Variants in INPP5F observed in about 807,000 individuals in gnomAD.
INPP5F encodes phosphatidylinositide 4-phosphatase SAC2.
INPP5F carries 97 observed loss-of-function variants against 137.2 expected under a neutral mutation model. The ratio of observed to expected loss-of-function variants is 0.71; its 90% CI spans 0.60 to 0.84. INPP5F has a LOEUF of 0.84. INPP5F is among the 40% of genes least tolerant of loss of function. INPP5F has a pLI of 0.00. For synonymous variants in INPP5F, 504 were observed against 476.9 expected (o/e 1.06, Z -0.74); for missense variants, 1,271 against 1,371.9 (o/e 0.93, Z 1.16).
intron 1 of INPP5F, 113 bp from the exon 2 acceptor site, chr10:119,750,963 A>G: frequency 1.4e-6 from 1 of 716,270 alleles, no homozygotes; most frequent in Middle Eastern, 3.7e-4. Flanking sequence ...CCATTTGGAT[A>G]TTCATACTGC....
chr10:119,729,127 G>GT (rs1053214557), intron 1 of INPP5F, among the ~76,000 whole-genome samples: 17 of 150,386 alleles, frequency 1.1e-4, no homozygotes, highest in Admixed American at 4.0e-4. Flanking sequence ...TTTTAGGCCT[G>GT]TTTTTTTGGG....
intron 2 of INPP5F, among the ~76,000 whole-genome samples, chr10:119,755,811 C>T (rs1265538): frequency 0.98 from 148,746 of 152,310 alleles, 72,701 homozygotes; most frequent in East Asian, 1. Context: ...GGTTCCTTGA[C>T]ACAGTTATTG....
chr10:119,773,676 T>C (rs1234797393), intron 2 of INPP5F, among the ~76,000 whole-genome samples: 1 of 152,202 alleles, frequency 6.6e-6, no homozygotes, highest in Admixed American at 6.5e-5. Context: ...TATCAAGTTT[T>C]AATTACCATG....
rs911065988 is a variant in INPP5F, at chr10:119,783,676, A to G, written c.315+1905A>G. 8.5e-5 allele frequency among the ~76,000 whole-genome samples: 13 copies of G among 152,324 alleles called. 1 individual carries two copies. Among genetic ancestry groups the G allele is most frequent in the Middle Eastern group, 6.8e-3 (2 of 294 alleles). On this transcript the variant is annotated intron_variant, in intron 3 of 19. Coordinates refer to ENST00000650623, the MANE Select transcript of INPP5F (RefSeq NM_014937.4). ...AAGGGCAAAAGTGTGAATATTATCA[A>G]AGCTTTAAGAGCTTCTTTATTCTTC...
chr10:119,815,058 C>T (rs1172434253), intron 15 of INPP5F, among the ~76,000 whole-genome samples: 8 of 151,908 alleles, frequency 5.3e-5, no homozygotes, highest in African/African-American at 1.2e-4. Flanking sequence ...ATAGAGATGG[C>T]GTTTCACCCT....
At position 119,792,001 on chromosome 10, in the gene INPP5F, A is replaced by C; in HGVS notation, c.577A>C (p.Thr193Pro). The change falls in exon 5 of 20, where the codon ACT (threonine) becomes CCT (proline). Residue 193 changes from threonine (T) to proline (P), a missense_variant. Physicochemically the swap from Thr to Pro is conservative, Grantham distance 38 (BLOSUM62 -1). This residue lies in a region of INPP5F where 593 missense variants were observed against 712.4 expected (regional missense o/e 0.83). Transcript: ENST00000650623. ...GACCAATTCCGTGCAGAGGCAGAGC[A>C]CTGGGGAGAGGGACGGTCGGCCCCT... ...DLTNSVQRQS[T>P]GERDGRPLWQ... The C allele has an allele frequency of 6.2e-7, 1 of 1,614,244 alleles. No individual in the cohort carries two copies. Among genetic ancestry groups the C allele is most frequent in the Non-Finnish European group, 8.5e-7 (1 of 1,180,048 alleles).
At chr10:119,729,394 A>G (rs1847984668) in intron 1 of INPP5F, among the ~76,000 whole-genome samples, 1 of 151,856 alleles carries the variant, frequency 6.6e-6, no homozygotes, top group Admixed American at 6.6e-5. Context: ...TGATCTGCCC[A>G]CCTCGGCCCC....
chr10:119,773,767 G>A (rs1177988062), intron 2 of INPP5F, among the ~76,000 whole-genome samples: 1 of 152,040 alleles, frequency 6.6e-6, no homozygotes, highest in East Asian at 1.9e-4. Context: ...TGATGGAATC[G>A]TAGCTCACTG....
chr10:119,783,788 A>G (rs529253415), intron 3 of INPP5F, among the ~76,000 whole-genome samples: 1 of 152,330 alleles, frequency 6.6e-6, no homozygotes, highest in Admixed American at 6.5e-5. Flanking sequence ...CCATTGACAT[A>G]ATTATTTTTA....
intron 3 of INPP5F, among the ~76,000 whole-genome samples, chr10:119,783,446 A>G (rs895944167): frequency 7.2e-5 from 11 of 152,144 alleles, no homozygotes; most frequent in Non-Finnish European, 1.5e-4. Flanking sequence ...CATGATTTGC[A>G]TATTTGGCAC....
intron 2 of INPP5F, among the ~76,000 whole-genome samples, chr10:119,780,373 G>C (rs1849662402): frequency 6.6e-6 from 1 of 152,116 alleles, no homozygotes; most frequent in East Asian, 1.9e-4. Context: ...CCAGCAGTTT[G>C]AGACCAGCTG....
intron 3 of INPP5F, among the ~76,000 whole-genome samples, chr10:119,790,066 G>T (rs1296456683): frequency 1.3e-5 from 2 of 150,614 alleles, no homozygotes; most frequent in African/African-American, 4.9e-5. Flanking sequence ...GGGGTGGGGG[G>T]CGAGTTGGGG....
At chr10:119,733,765 T>C (rs1848150942) in intron 1 of INPP5F, among the ~76,000 whole-genome samples, 1 of 152,142 alleles carries the variant, frequency 6.6e-6, no homozygotes, top group Non-Finnish European at 1.5e-5. Context: ...TAAGGTGCAC[T>C]GACAGCTTGG....
chr10:119,728,641 A>G lies in INPP5F; in HGVS notation c.97+2282A>G, dbSNP rs543971533. Reference sequence around the variant, plus strand: ...TTTTTACATTCGTGACTATTGAACAACCTGAAACAAGAGTTTTCCTTTTTC... The same window carrying G: ...TTTTTACATTCGTGACTATTGAACAGCCTGAAACAAGAGTTTTCCTTTTTC... On this transcript the variant is annotated intron_variant, in intron 1 of 19. Transcript: ENST00000650623. Among the ~76,000 whole-genome samples the G allele has an allele frequency of 2.8e-4, 42 of 152,360 alleles. No homozygotes were observed. In the South Asian group the frequency reaches 8.3e-3, roughly 30 times the overall value.
chr10:119,825,847 T>C (rs984779789), intron 19 of INPP5F: 6 of 397,200 alleles, frequency 1.5e-5, no homozygotes, highest in Non-Finnish European at 2.7e-5. Flanking sequence ...CCATAATTTT[T>C]CTGCAGTATG....
intron 19 of INPP5F, among the ~76,000 whole-genome samples, chr10:119,825,731 T>C (rs1055568817): frequency 5.9e-5 from 9 of 152,256 alleles, no homozygotes; most frequent in African/African-American, 2.2e-4. Flanking sequence ...GTGGCTTTTC[T>C]TTCTAATGAG....
At chr10:119,763,841 G>A (rs1049923571) in intron 2 of INPP5F, among the ~76,000 whole-genome samples, 7 of 152,154 alleles carry the variant, frequency 4.6e-5, no homozygotes, top group Non-Finnish European at 8.8e-5. Flanking sequence ...ATTTTGCTTA[G>A]AAATTGCCTC....
In INPP5F at chr10:119,791,561, C is replaced by T. The variant is rs751334254; in HGVS notation, c.360C>T (p.Ile120=). Residue 120 remains isoleucine, a synonymous_variant, in exon 4 of 20, where the codon ATC becomes ATT. Coordinates refer to ENST00000650623, the MANE Select transcript of INPP5F (RefSeq NM_014937.4). Reference sequence around the variant, plus strand: ...TTGGTATTAACAAACCAGAGAAGATCATACCATCTCCTGATGACTCAAAGT... The same window carrying T: ...TTGGTATTAACAAACCAGAGAAGATTATACCATCTCCTGATGACTCAAAGT... The part of the protein sequence containing the change: ...HHFGINKPEK[I]IPSPDDSKFL... 1.9e-6 allele frequency: 3 copies of T among 1,600,588 alleles called. No homozygotes were observed. In the African/African-American group the frequency reaches 4.0e-5, roughly 21 times the overall value.
At chr10:119,740,455 A>G (rs148439200) in intron 1 of INPP5F, among the ~76,000 whole-genome samples, 46 of 152,348 alleles carry the variant, frequency 3.0e-4, no homozygotes, top group African/African-American at 1.1e-3. Context: ...TGAAGCATTT[A>G]TTACTCTGAG....
Sources: gnomAD v4.1 joint callset for allele counts (sites outside exome capture counted in the v4.1 genomes callset) on GRCh38, gnomAD v4.1.1 for gene constraint, gnomAD v4.1.1 regional missense constraint, MANE v1.5 for transcripts, NCBI Gene and HGNC (gene_info 2026-07-23, HGNC 2026-07-21) for gene names.